TRAPPC9: variants seen among roughly 807,000 people sequenced by gnomAD.
TRAPPC9 encodes trafficking protein particle complex subunit 9, also known as IKK2 binding protein.
A neutral mutation model predicts 124.0 loss-of-function variants in TRAPPC9; 83 were observed. The observed-to-expected ratio is 0.67, with a 90% CI of 0.56 to 0.80. The LOEUF (loss-of-function observed/expected upper bound fraction) is 0.80, where lower values mean the gene tolerates loss of function less well. Ranked by LOEUF, TRAPPC9 falls within the 30% of genes least tolerant of loss-of-function variation. TRAPPC9 has a pLI of 0.00. For synonymous variants in TRAPPC9, 638 were observed against 617.5 expected (o/e 1.03, Z -0.49); for missense variants, 1,302 against 1,508.3 (o/e 0.86, Z 2.27).
intron 17 of TRAPPC9, among the ~76,000 whole-genome samples, chr8:140,175,123 A>T (rs947182989): frequency 1.6e-4 from 24 of 151,914 alleles, no homozygotes; most frequent in African/African-American, 5.3e-4. Context: ...CAAATCTCAG[A>T]ATCTATTCAA....
chr8:139,746,954 T>G (rs1179563436), intron 21 of TRAPPC9, among the ~76,000 whole-genome samples: 3 of 152,166 alleles, frequency 2.0e-5, no homozygotes, highest in Non-Finnish European at 2.9e-5. Flanking sequence ...CCTTCTCTTT[T>G]TGGACAAGCA....
At chr8:140,071,760 C>T (rs1052980134) in intron 17 of TRAPPC9, among the ~76,000 whole-genome samples, 7 of 152,178 alleles carry the variant, frequency 4.6e-5, no homozygotes, top group African/African-American at 7.2e-5. Flanking sequence ...AGATACCACG[C>T]TCTGGCTCAT....
At chr8:140,304,041 T>C (rs879182400) in intron 10 of TRAPPC9, among the ~76,000 whole-genome samples, 5 of 152,160 alleles carry the variant, frequency 3.3e-5, no homozygotes, top group Admixed American at 2.6e-4. Context: ...CAAGTGTACA[T>C]ATTACTGAGC....
chr8:139,932,244 G>A (rs546118432), intron 19 of TRAPPC9: 28 of 444,950 alleles, frequency 6.3e-5, no homozygotes, highest in African/African-American at 1.6e-4. Flanking sequence ...CCGTGCAGCC[G>A]AGGGAGTCCC....
intron 17 of TRAPPC9, among the ~76,000 whole-genome samples, chr8:140,205,816 T>G (rs1430051880): frequency 1.3e-5 from 2 of 152,160 alleles, no homozygotes. Flanking sequence ...TGCCCAACCA[T>G]GCAACCATTC....
chr8:139,991,588 GTT>G (rs35364219), intron 18 of TRAPPC9, among the ~76,000 whole-genome samples: 7 of 142,948 alleles, frequency 4.9e-5, no homozygotes, highest in African/African-American at 1.8e-4. Context: ...TTTTGGGTTT[GTT>G]TTTTTTTTTT....
chr8:140,069,765 G>A (rs911128137), intron 17 of TRAPPC9, among the ~76,000 whole-genome samples: 5 of 152,164 alleles, frequency 3.3e-5, no homozygotes, highest in African/African-American at 1.2e-4. Flanking sequence ...CAAGCCGCCT[G>A]CAAGCTGGAG....
intron 19 of TRAPPC9, among the ~76,000 whole-genome samples, chr8:139,919,368 T>C (rs1832361801): frequency 6.6e-6 from 1 of 152,194 alleles, no homozygotes; most frequent in Non-Finnish European, 1.5e-5. Flanking sequence ...AAAACAATTA[T>C]AGCTATTATA....
At chr8:139,751,863 C>G (rs1393474614) in intron 21 of TRAPPC9, among the ~76,000 whole-genome samples, 2 of 151,992 alleles carry the variant, frequency 1.3e-5, no homozygotes, top group Non-Finnish European at 2.9e-5. Context: ...ATTCATCCAT[C>G]CACTCACCAT....
chr8:139,992,060 T>TA (rs1312176237), intron 18 of TRAPPC9, among the ~76,000 whole-genome samples: 15 of 151,828 alleles, frequency 9.9e-5, no homozygotes, highest in East Asian at 1.9e-4. Flanking sequence ...TATAAACTTA[T>TA]AAAAAAAAGC....
chr8:139,788,623 C>T lies in TRAPPC9; in HGVS notation c.3056-56421G>A, dbSNP rs1356799235. ...CATGAAGAACGGTACCCACCCCCGC[C>T]CCCGTGTGAGATGCTGGCCCTGGGC... On this transcript the variant is annotated intron_variant, in intron 21 of 22. Coordinates refer to ENST00000438773, the MANE Select transcript of TRAPPC9 (RefSeq NM_001160372.4). This position sits in a 1 kb window ranked among gnomAD's most constrained non-coding sequence, Gnocchi z 4.9. Among the ~76,000 whole-genome samples the T allele has an allele frequency of 6.6e-6, 1 of 152,214 alleles. No homozygotes were observed. The highest frequency in any genetic ancestry group is 1.5e-5 in the Non-Finnish European group (1 of 68,032).
intron 19 of TRAPPC9, among the ~76,000 whole-genome samples, chr8:139,969,332 G>T (rs1835911240): frequency 6.6e-6 from 1 of 152,226 alleles, no homozygotes; most frequent in Non-Finnish European, 1.5e-5. Context: ...CTAGACTGGG[G>T]TCTCAAAGCC....
At chr8:140,064,829 G>A (rs564993024) in intron 17 of TRAPPC9, among the ~76,000 whole-genome samples, 1 of 152,258 alleles carries the variant, frequency 6.6e-6, no homozygotes, top group South Asian at 2.1e-4. Flanking sequence ...GCCTGGATGT[G>A]CTGCTAGTAT....
chr8:140,242,470 C>T (rs1207619421), intron 16 of TRAPPC9, among the ~76,000 whole-genome samples: 1 of 152,122 alleles, frequency 6.6e-6, no homozygotes, highest in African/African-American at 2.4e-5. Flanking sequence ...CCGGCACTTC[C>T]CAGCAGATGA....
At chr8:140,274,995 A>G (rs78037652) in intron 15 of TRAPPC9, among the ~76,000 whole-genome samples, 1,793 of 152,186 alleles carry the variant, frequency 0.012, 28 homozygotes, top group African/African-American at 0.04. Context: ...ACCCGGTTTT[A>G]TTTACACATA....
intron 8 of TRAPPC9, among the ~76,000 whole-genome samples, chr8:140,362,321 T>C (rs1040381463): frequency 8.5e-5 from 13 of 152,276 alleles, no homozygotes; most frequent in African/African-American, 3.1e-4. Flanking sequence ...AGGAGTACAG[T>C]GATGTGGTTT....
intron 19 of TRAPPC9, among the ~76,000 whole-genome samples, chr8:139,946,849 T>A (rs1274126986): frequency 6.6e-6 from 1 of 150,538 alleles, no homozygotes; most frequent in Non-Finnish European, 1.5e-5. Context: ...TATCCAGGCA[T>A]GGTGGCGGGC....
chr8:139,728,844 C>A lies in TRAPPC9; in HGVS notation c.*2217G>T, dbSNP rs1450853728. Among the ~76,000 whole-genome samples the A allele has an allele frequency of 6.6e-6, 1 of 152,198 alleles. No homozygotes were observed. Among genetic ancestry groups the A allele is most frequent in the Non-Finnish European group, 1.5e-5 (1 of 68,042 alleles). ...TCCTTCTTGTGGCATCCAGCATTTT[C>A]TCTGGTAACTGTTGTGGGTATTTTT... is the stretch of plus-strand genomic sequence containing the variant. On this transcript the variant is annotated 3_prime_UTR_variant, in exon 23 of 23. Transcript: ENST00000438773.
chr8:140,120,044 T>C (rs569345935), intron 17 of TRAPPC9, among the ~76,000 whole-genome samples: 2 of 152,314 alleles, frequency 1.3e-5, no homozygotes, highest in East Asian at 3.9e-4. Flanking sequence ...TGAATGAAGA[T>C]AAACTGACAT....
Sources: gnomAD v4.1 joint callset for allele counts (sites outside exome capture counted in the v4.1 genomes callset) on GRCh38, gnomAD v4.1.1 for gene constraint, Gnocchi (gnomAD v3.1) non-coding constraint, MANE v1.5 for transcripts, NCBI Gene and HGNC (gene_info 2026-07-23, HGNC 2026-07-21) for gene names.